Variants in MSRB3 observed in about 807,000 individuals in gnomAD.
MSRB3 encodes methionine-R-sulfoxide reductase B3.
MSRB3 carries 13 observed loss-of-function variants against 21.0 expected under a neutral mutation model. That is an observed-to-expected ratio of 0.62 (90% CI 0.40 to 0.98). The LOEUF (loss-of-function observed/expected upper bound fraction) is 0.98. Among genes scored for constraint, MSRB3 ranks in the 50% least tolerant of loss-of-function variants. MSRB3 has a pLI of 0.00. For synonymous variants in MSRB3, 87 were observed against 88.6 expected (o/e 0.98, Z 0.10); for missense variants, 199 against 230.3 (o/e 0.86, Z 0.88).
rs11388948 is a variant in MSRB3, at chr12:65,445,649, ATT to A, written c.293-8066_293-8065del. Among the ~76,000 whole-genome samples the A allele has an allele frequency of 3.1e-3, 440 of 140,702 alleles. 2 individuals are homozygous for A. Among genetic ancestry groups the A allele is most frequent in the African/African-American group, 0.01 (388 of 37,706 alleles). The allele number at this position is 140,702 out of a possible 152,430, so 92.3% of individuals were successfully genotyped here. A position where few individuals can be genotyped will look rare whatever the true frequency, so the allele number is the denominator to read the frequency against. ...CTACTTTTCAAGACACATATATATA[ATT>A]TTTTTTTTTTTTGAGACAGAGTCTC... On this transcript the variant is annotated intron_variant, in intron 5 of 6. Transcript: ENST00000308259.
rs368462415 is a variant in MSRB3 at position 65,279,013 on chromosome 12, G to A, written c.-52+148G>A. On this transcript the variant is annotated intron_variant, in intron 1 of 6. Transcript: ENST00000308259. ...TGCGGGGACAGCCCCTGCCTCAGCC[G>A]AGAAGGGGAGCAGAAGGGTTGCGCC... is the stretch of plus-strand genomic sequence containing the variant. 1.6e-3 allele frequency: 2,279 copies of A among 1,459,904 alleles called. 36 individuals carry two copies. The African/African-American group carries it at 0.03, about 19-fold the overall frequency. The allele number at this position is 1,459,904 out of a possible 1,614,324, so 90.4% of individuals were successfully genotyped here. A position where few individuals can be genotyped will look rare whatever the true frequency, so the allele number is the denominator to read the frequency against.
At chr12:65,301,926 A>G (rs1021804329) in intron 1 of MSRB3, among the ~76,000 whole-genome samples, 9 of 152,042 alleles carry the variant, frequency 5.9e-5, no homozygotes, top group Non-Finnish European at 1.3e-4. Context: ...ATAAAAAGAG[A>G]TTTGCAAAAA....
At chr12:65,355,809 G>A (rs911439651) in intron 4 of MSRB3, among the ~76,000 whole-genome samples, 3 of 151,766 alleles carry the variant, frequency 2.0e-5, no homozygotes, top group Non-Finnish European at 2.9e-5. Flanking sequence ...AGAAAACCCA[G>A]CAGCACTGAC....
intron 1 of MSRB3, among the ~76,000 whole-genome samples, chr12:65,287,474 T>C (rs1872435185): frequency 6.6e-6 from 1 of 152,144 alleles, no homozygotes; most frequent in Non-Finnish European, 1.5e-5. Flanking sequence ...AACCTGAGTT[T>C]GGTTGGGGTT....
intron 5 of MSRB3, among the ~76,000 whole-genome samples, chr12:65,410,968 AC>A (rs1358027836): frequency 6.6e-6 from 1 of 151,500 alleles, no homozygotes; most frequent in Non-Finnish European, 1.5e-5. Flanking sequence ...AAACTACCCC[AC>A]CCCCACCCTT....
chr12:65,449,642 A>G (rs1036366418), intron 5 of MSRB3, among the ~76,000 whole-genome samples: 5 of 152,186 alleles, frequency 3.3e-5, no homozygotes, highest in Non-Finnish European at 7.3e-5. Context: ...AAATAACAAA[A>G]CATGTGTAAT....
intron 4 of MSRB3, among the ~76,000 whole-genome samples, chr12:65,358,618 A>G (rs996545174): frequency 2.6e-5 from 4 of 151,534 alleles, no homozygotes; most frequent in African/African-American, 9.7e-5. Context: ...TATCTTGTAT[A>G]TTTCCTGCCC....
intron 2 of MSRB3, among the ~76,000 whole-genome samples, chr12:65,312,812 T>C (rs1334816178): frequency 1.3e-5 from 2 of 152,056 alleles, no homozygotes; most frequent in African/African-American, 4.8e-5. Context: ...AATAAATATA[T>C]GTTAAATGAA....
intron 4 of MSRB3, among the ~76,000 whole-genome samples, chr12:65,353,841 C>T (rs1256774626): frequency 6.6e-6 from 1 of 152,082 alleles, no homozygotes; most frequent in Non-Finnish European, 1.5e-5. Flanking sequence ...CACAATTTGG[C>T]ATGTTTTTGC....
At chr12:65,376,823 A>G (rs1878651927) in intron 5 of MSRB3, among the ~76,000 whole-genome samples, 2 of 152,176 alleles carry the variant, frequency 1.3e-5, no homozygotes, top group South Asian at 4.1e-4. Context: ...AGAACTTAAA[A>G]TATATATAAA....
intron 5 of MSRB3, among the ~76,000 whole-genome samples, chr12:65,377,247 A>C (rs754608254): frequency 1.2e-4 from 19 of 152,176 alleles, no homozygotes; most frequent in Non-Finnish European, 2.4e-4. Context: ...CTTAAAGGCA[A>C]GAACCATGTC....
At chr12:65,300,024 A>T (rs144253819) in intron 1 of MSRB3, among the ~76,000 whole-genome samples, 1 of 152,178 alleles carries the variant, frequency 6.6e-6, no homozygotes, top group Admixed American at 6.5e-5. Flanking sequence ...TTCTATCATC[A>T]TGGCAAATGG....
chr12:65,425,046 T>G (rs56296650), intron 5 of MSRB3, among the ~76,000 whole-genome samples: 2 of 54,938 alleles, frequency 3.6e-5, no homozygotes, highest in Non-Finnish European at 8.2e-5. Flanking sequence ...TTTATATGTA[T>G]ATTATATATA....
chr12:65,431,244 C>T lies in MSRB3; in HGVS notation c.293-22484C>T, dbSNP rs905072952. ...TGGGGAGCTGGGTCACAGGTTGACT[C>T]CTGTTTTTCAAGAAAATTGAAAAAT... On this transcript the variant is annotated intron_variant, in intron 5 of 6. Transcript: ENST00000308259. 2.6e-5 allele frequency among the ~76,000 whole-genome samples: 4 copies of T among 151,998 alleles called. No homozygotes were observed. In the South Asian group the frequency reaches 8.3e-4, roughly 31 times the overall value.
chr12:65,368,154 AT>A (rs1336297141), intron 4 of MSRB3, among the ~76,000 whole-genome samples: 1 of 152,000 alleles, frequency 6.6e-6, no homozygotes, highest in Non-Finnish European at 1.5e-5. Context: ...AGTTAACTAC[AT>A]TTCTCCAGGA....
intron 5 of MSRB3, among the ~76,000 whole-genome samples, chr12:65,438,146 A>G (rs1882205649): frequency 6.6e-6 from 1 of 151,836 alleles, no homozygotes; most frequent in African/African-American, 2.4e-5. Context: ...ATTCTTTCTG[A>G]TACAATTAAG....
At chr12:65,299,624 T>C (rs1287548519) in intron 1 of MSRB3, among the ~76,000 whole-genome samples, 1 of 152,172 alleles carries the variant, frequency 6.6e-6, no homozygotes, top group Non-Finnish European at 1.5e-5. Flanking sequence ...TATGTTCAGT[T>C]AAAATTTCAG....
intron 1 of MSRB3, among the ~76,000 whole-genome samples, chr12:65,279,748 A>T (rs1476466862): frequency 6.6e-6 from 1 of 152,206 alleles, no homozygotes; most frequent in African/African-American, 2.4e-5. Flanking sequence ...TTAATATCAG[A>T]TTATTATTTT....
chr12:65,463,249 C>G lies in MSRB3; in HGVS notation c.485C>G (p.Ala162Gly). The change falls in exon 7 of 7, where the codon GCG (alanine) becomes GGG (glycine). Residue 162 changes from alanine to glycine, a missense_variant. Transcript: ENST00000308259. ...TCGGCTGCCTTGTCTTTTACACCTG[C>G]GGATAGCAGTGGCACCGCCGAGGGA... ...INSAALSFTP[A>G]DSSGTAEGGS... The G allele has an allele frequency of 2.5e-6, 4 of 1,614,172 alleles. No individual in the cohort carries two copies. The highest frequency in any genetic ancestry group is 2.5e-6 in the Non-Finnish European group (3 of 1,180,038).
Sources: gnomAD v4.1 joint callset for allele counts (sites outside exome capture counted in the v4.1 genomes callset) on GRCh38, gnomAD v4.1.1 for gene constraint, MANE v1.5 for transcripts, NCBI Gene and HGNC (gene_info 2026-07-23, HGNC 2026-07-21) for gene names.